The following IMMP2L variants were observed in gnomAD, a reference collection of about 807,000 sequenced individuals.
IMMP2L encodes the protein mitochondrial inner membrane protease subunit 2.
IMMP2L carries 18 observed loss-of-function variants against 19.3 expected under a neutral mutation model. That is an observed-to-expected ratio of 0.93 (90% CI 0.64 to 1.38). The LOEUF is 1.38. Among genes scored for constraint, IMMP2L ranks in the 40% most tolerant of loss-of-function variants. The pLI, the probability that IMMP2L is intolerant of heterozygous loss-of-function variation, is 0.00. For missense variants in IMMP2L, 233 were observed against 218.2 expected (o/e 1.07, Z -0.43); for synonymous variants, 76 against 73.0 (o/e 1.04, Z -0.21).
At chr7:111,534,943 A>C (rs1400892648) in intron 1 of IMMP2L, among the ~76,000 whole-genome samples, 1 of 152,206 alleles carries the variant, frequency 6.6e-6, no homozygotes, top group Non-Finnish European at 1.5e-5. Context: ...ATTGGTCTGT[A>C]TTAGAAGTAG....
chr7:110,796,795 A>G (rs1386802906), intron 5 of IMMP2L, among the ~76,000 whole-genome samples: 1 of 152,034 alleles, frequency 6.6e-6, no homozygotes, highest in East Asian at 1.9e-4. Context: ...CCTTCTTTCA[A>G]TACTTGGTTA....
intron 5 of IMMP2L, among the ~76,000 whole-genome samples, chr7:110,815,140 A>G (rs1802379700): frequency 6.6e-6 from 1 of 152,100 alleles, no homozygotes; most frequent in Non-Finnish European, 1.5e-5. Context: ...GATATGTCCA[A>G]TCAATACCTA....
intron 3 of IMMP2L, among the ~76,000 whole-genome samples, chr7:111,110,352 CAA>C (rs1195239729): frequency 6.6e-6 from 1 of 152,094 alleles, no homozygotes; most frequent in Non-Finnish European, 1.5e-5. Context: ...ATTATTATGA[CAA>C]AGTTTAATTA....
intron 3 of IMMP2L, among the ~76,000 whole-genome samples, chr7:111,486,937 A>C (rs1842702732): frequency 6.6e-6 from 1 of 152,196 alleles, no homozygotes; most frequent in African/African-American, 2.4e-5. Flanking sequence ...ACCAAGATGC[A>C]AAATTTCAAA....
chr7:111,139,378 C>A (rs1802653711), intron 3 of IMMP2L, among the ~76,000 whole-genome samples: 1 of 152,012 alleles, frequency 6.6e-6, no homozygotes. Flanking sequence ...TATTTACTGC[C>A]AGAGACTGGA....
chr7:110,762,987 C>T (rs1798442720), intron 5 of IMMP2L, among the ~76,000 whole-genome samples: 1 of 151,912 alleles, frequency 6.6e-6, no homozygotes, highest in South Asian at 2.1e-4. Context: ...GTAATAAAAC[C>T]ATCCTTTGAG....
chr7:111,070,455 A>AT (rs111942772), intron 3 of IMMP2L, among the ~76,000 whole-genome samples: 81 of 150,204 alleles, frequency 5.4e-4, no homozygotes, highest in Non-Finnish European at 6.7e-4. Context: ...GAAAAAACTT[A>AT]TTTTTTTTTT....
intron 1 of IMMP2L, among the ~76,000 whole-genome samples, chr7:111,539,208 A>AGGG (rs1291310513): frequency 1.3e-4 from 6 of 45,700 alleles, no homozygotes; most frequent in South Asian, 8.6e-4. Context: ...GAAAGAAAGA[A>AGGG]AGAAAGAAAG....
chr7:111,450,739 C>A (rs942523815), intron 3 of IMMP2L, among the ~76,000 whole-genome samples: 26 of 151,182 alleles, frequency 1.7e-4, no homozygotes, highest in Non-Finnish European at 2.8e-4. Context: ...AGCTTCTGCA[C>A]AGCAAAAGAA....
At chr7:111,246,009 G>T (rs1385544642) in intron 3 of IMMP2L, among the ~76,000 whole-genome samples, 1 of 28,270 alleles carries the variant, frequency 3.5e-5, no homozygotes, top group Non-Finnish European at 5.1e-5. Context: ...GCCCGGCTTT[G>T]GTATCAGAAT....
At chr7:111,409,761 T>C (rs1471446587) in intron 3 of IMMP2L, among the ~76,000 whole-genome samples, 1 of 151,834 alleles carries the variant, frequency 6.6e-6, no homozygotes, top group East Asian at 1.9e-4. Flanking sequence ...TTCTACAGGA[T>C]TGCCCTCAAA....
chr7:111,484,983 T>C (rs1415315592), intron 3 of IMMP2L, among the ~76,000 whole-genome samples: 1 of 152,022 alleles, frequency 6.6e-6, no homozygotes. Context: ...AGACAGGGTT[T>C]CACCGTGTTG....
At chr7:111,551,680 T>C (rs1350430686) in intron 1 of IMMP2L, among the ~76,000 whole-genome samples, 2 of 151,938 alleles carry the variant, frequency 1.3e-5, no homozygotes, top group Non-Finnish European at 2.9e-5. Flanking sequence ...TCTGGCAGGA[T>C]CCACCACCAC....
At chr7:110,900,058 T>C (rs1418818473) in intron 4 of IMMP2L, among the ~76,000 whole-genome samples, 1 of 152,182 alleles carries the variant, frequency 6.6e-6, no homozygotes, top group Non-Finnish European at 1.5e-5. Context: ...TTTTCAAACT[T>C]TAAATGTAAC....
At chr7:110,665,619 G>A (rs1415078875) in intron 5 of IMMP2L, among the ~76,000 whole-genome samples, 1 of 152,136 alleles carries the variant, frequency 6.6e-6, no homozygotes, top group Non-Finnish European at 1.5e-5. Context: ...GTCCCAGCAA[G>A]CTGCCTTGTA....
At chr7:111,192,301 C>A (rs1808969916) in intron 3 of IMMP2L, among the ~76,000 whole-genome samples, 1 of 152,026 alleles carries the variant, frequency 6.6e-6, no homozygotes, top group African/African-American at 2.4e-5. Context: ...AAATACTACA[C>A]CATGATATAA....
At chr7:111,282,460 G>A (rs1820001092) in intron 3 of IMMP2L, among the ~76,000 whole-genome samples, 1 of 152,118 alleles carries the variant, frequency 6.6e-6, no homozygotes, top group Admixed American at 6.6e-5. Context: ...GGAAGTTATA[G>A]AAATGATAAA....
At position 110,943,811 on chromosome 7, in the gene IMMP2L, C is replaced by G. The variant is rs1297712269; in HGVS notation, c.305+19689G>C. Among the ~76,000 whole-genome samples, 8 of 151,994 alleles carry G rather than the reference C, an allele frequency of 5.3e-5. No individual in the cohort carries two copies. The East Asian group carries it at 1.5e-3, about 29-fold the overall frequency. On this transcript the variant is annotated intron_variant, in intron 4 of 5. Transcript: ENST00000405709. ...TAATAAACAAGCATATCCTCATCCC[C>G]TTTGCTATGCAGGGACAATCCCTGC...
intron 5 of IMMP2L, among the ~76,000 whole-genome samples, chr7:110,878,056 A>G (rs1235806600): frequency 6.6e-6 from 1 of 152,134 alleles, no homozygotes; most frequent in African/African-American, 2.4e-5. Flanking sequence ...AAGCTTTCTC[A>G]GCTTGGAGGC....
Sources: allele counts gnomAD v4.1 joint callset (sites outside exome capture counted in the v4.1 genomes callset), GRCh38; gene constraint gnomAD v4.1.1; transcripts MANE v1.5; gene names NCBI Gene and HGNC (gene_info 2026-07-23, HGNC 2026-07-21).